The following TRIO variants were observed in gnomAD, a reference collection of about 807,000 sequenced individuals.
TRIO encodes trio Rho guanine nucleotide exchange factor.
In TRIO, 58 loss-of-function variants were observed where a neutral mutation model predicts 351.9. The observed-to-expected ratio is 0.16, with a 90% CI of 0.13 to 0.21. The LOEUF is 0.21. TRIO is among the 10% of genes least tolerant of loss of function. The pLI is 1.00. For missense variants in TRIO, 3,201 were observed against 4,027.8 expected (o/e 0.79, Z 5.56); for synonymous variants, 1,758 against 1,595.7 (o/e 1.10, Z -2.42).
chr5:14,468,750 C>T (rs1754462579), intron 37 of TRIO, among the ~76,000 whole-genome samples: 1 of 152,204 alleles, frequency 6.6e-6, no homozygotes, highest in African/African-American at 2.4e-5. Flanking sequence ...TGGATTTGAA[C>T]ACTGCATTGT....
At chr5:14,494,734 A>G (rs1226560669) in intron 49 of TRIO, among the ~76,000 whole-genome samples, 1 of 152,076 alleles carries the variant, frequency 6.6e-6, no homozygotes, top group Non-Finnish European at 1.5e-5. Context: ...CCCAGGCTCT[A>G]TTAAAAATAC....
chr5:14,495,658 G>GAAAA lies in TRIO; in HGVS notation c.7881-1196_7881-1193dup, dbSNP rs56018324. 3.2e-3 allele frequency among the ~76,000 whole-genome samples: 105 copies of GAAAA among 32,590 alleles called. 17 individuals are homozygous for GAAAA. Among genetic ancestry groups the GAAAA allele is most frequent in the African/African-American group, 6.4e-3 (60 of 9,344 alleles). 21.4% of individuals were successfully genotyped at this position (32,590 alleles called of 152,430 possible). ...ACATAGTGAAACCCCGTCTCTACTA[G>GAAAA]AAAAAAAAAAAAAAAAAAAAAAAAA... is the stretch of plus-strand genomic sequence containing the variant. On this transcript the variant is annotated intron_variant, in intron 49 of 56. Coordinates refer to ENST00000344204, the MANE Select transcript of TRIO (RefSeq NM_007118.4).
chr5:14,472,190 G>A (rs1402132654), intron 38 of TRIO, among the ~76,000 whole-genome samples: 1 of 152,216 alleles, frequency 6.6e-6, no homozygotes, highest in African/African-American at 2.4e-5. Context: ...TTAGACACAA[G>A]GTTTAAACAT....
intron 37 of TRIO, chr5:14,466,397 T>G (rs199927318): frequency 2.1e-5 from 2 of 97,416 alleles, no homozygotes; most frequent in African/African-American, 3.3e-5. Context: ...TATAAGGGCT[T>G]CATTTTCTTA....
At position 14,471,448 on chromosome 5, in the gene TRIO, G is replaced by C. The variant is rs769509085; in HGVS notation, c.5894G>C (p.Ser1965Thr). Residue 1965 changes from serine to threonine, a missense_variant, in exon 38 of 57, where the codon AGC (serine) becomes ACC (threonine). This residue lies in a region of TRIO where 307 missense variants were observed against 396.5 expected (regional missense o/e 0.77). Coordinates refer to ENST00000344204, the MANE Select transcript of TRIO (RefSeq NM_007118.4). ...PIDEMEERKS[S>T]SLKRRHYVLQ... Reference sequence around the variant, plus strand: ...GATGAGATGGAAGAAAGGAAATCCAGCTCTTTAAAGAGAAGACAGTAAGAC... The same window carrying C: ...GATGAGATGGAAGAAAGGAAATCCACCTCTTTAAAGAGAAGACAGTAAGAC... The C allele has an allele frequency of 5.8e-5, 94 of 1,613,992 alleles. No individual in the cohort carries two copies. In the South Asian group the frequency reaches 1.0e-3, roughly 17 times the overall value.
chr5:14,336,993 C>A (rs1466241684), intron 11 of TRIO, among the ~76,000 whole-genome samples: 1 of 152,146 alleles, frequency 6.6e-6, no homozygotes, highest in East Asian at 1.9e-4. Context: ...AGAGAACGTC[C>A]ATTTCTATAA....
chr5:14,276,303 C>T (rs867438596), intron 2 of TRIO, among the ~76,000 whole-genome samples: 1 of 152,166 alleles, frequency 6.6e-6, no homozygotes, highest in African/African-American at 2.4e-5. Context: ...CGGGAACTGG[C>T]GGGACTTTTC....
At chr5:14,386,489 A>G (rs2152360280) in intron 21 of TRIO, among the ~76,000 whole-genome samples, 1 of 152,244 alleles carries the variant, frequency 6.6e-6, no homozygotes, top group Admixed American at 6.5e-5. Flanking sequence ...TCTTTTGGGG[A>G]TTTTTAAAGT....
At chr5:14,302,834 C>T (rs571769844) in intron 7 of TRIO, among the ~76,000 whole-genome samples, 8 of 152,308 alleles carry the variant, frequency 5.3e-5, no homozygotes, top group East Asian at 3.9e-4. Context: ...AGGTTAAAAC[C>T]GAGGGAAATG....
intron 37 of TRIO, among the ~76,000 whole-genome samples, chr5:14,467,219 C>T (rs748755085): frequency 6.6e-6 from 1 of 152,164 alleles, no homozygotes. Flanking sequence ...ACTGGAATTG[C>T]TAAATCAGAG....
chr5:14,378,995 A>G lies in TRIO; in HGVS notation c.3447+868A>G, dbSNP rs1745825875. 2.0e-5 allele frequency among the ~76,000 whole-genome samples: 3 copies of G among 152,178 alleles called. No homozygotes were observed. In the South Asian group the frequency reaches 6.2e-4, roughly 31 times the overall value. ...ATCAGTCATGGACGAAGATCATTTT[A>G]TTGTAAAAATCTGACCCCGTCTTAA... is the stretch of plus-strand genomic sequence containing the variant. On this transcript the variant is annotated intron_variant, in intron 20 of 56. Coordinates refer to ENST00000344204, the MANE Select transcript of TRIO (RefSeq NM_007118.4).
intron 34 of TRIO, among the ~76,000 whole-genome samples, chr5:14,456,836 A>C (rs1753349629): frequency 6.6e-6 from 1 of 152,194 alleles, no homozygotes; most frequent in African/African-American, 2.4e-5. Context: ...GGCAAAGTCT[A>C]TATTTTTCAG....
chr5:14,179,528 C>T (rs1344358425), intron 1 of TRIO, among the ~76,000 whole-genome samples: 2 of 151,410 alleles, frequency 1.3e-5, no homozygotes, highest in East Asian at 1.9e-4. Flanking sequence ...GGCACAATCA[C>T]GGCTCACTGC....
intron 1 of TRIO, among the ~76,000 whole-genome samples, chr5:14,203,101 A>C (rs1392981886): frequency 6.6e-6 from 1 of 152,174 alleles, no homozygotes; most frequent in Admixed American, 6.5e-5. Context: ...TAACTTTTTA[A>C]AAAATGGAGT....
chr5:14,200,865 C>CT, intron 1 of TRIO, among the ~76,000 whole-genome samples: 1 of 152,164 alleles, frequency 6.6e-6, no homozygotes, highest in East Asian at 1.9e-4. Context: ...TGTTAAACAG[C>CT]TGAGTTTTTG....
intron 56 of TRIO, 124 bp from the exon 57 acceptor site, chr5:14,507,756 C>T (rs1757809415): frequency 1.6e-6 from 2 of 1,247,408 alleles, no homozygotes; most frequent in Non-Finnish European, 2.2e-6. Flanking sequence ...CTGCTTTGCA[C>T]ATGCATGGCT....
intron 36 of TRIO, 27 bp from the exon 37 acceptor site, chr5:14,465,518 C>T: frequency 6.2e-7 from 1 of 1,611,858 alleles, no homozygotes; most frequent in Non-Finnish European, 8.5e-7. Context: ...TTGCCCCACC[C>T]CCTCCTTTTC....
At chr5:14,494,048 A>G (rs1756694304) in intron 49 of TRIO, among the ~76,000 whole-genome samples, 1 of 152,234 alleles carries the variant, frequency 6.6e-6, no homozygotes, top group Admixed American at 6.5e-5. Flanking sequence ...AAGTTTAAGG[A>G]AAGCTAATCC....
At chr5:14,231,369 C>T (rs774241429) in intron 1 of TRIO, among the ~76,000 whole-genome samples, 7 of 152,172 alleles carry the variant, frequency 4.6e-5, no homozygotes, top group Admixed American at 2.0e-4. Flanking sequence ...CAGATGTTGG[C>T]CACTCACTTT....
Sources: allele counts gnomAD v4.1 joint callset (sites outside exome capture counted in the v4.1 genomes callset), GRCh38; gene constraint gnomAD v4.1.1; regional missense constraint gnomAD v4.1.1; transcripts MANE v1.5; gene names NCBI Gene and HGNC (gene_info 2026-07-23, HGNC 2026-07-21).